The following PDGFC variants were observed in gnomAD, a reference collection of about 807,000 sequenced individuals.
The protein encoded by PDGFC is platelet-derived growth factor C.
Under a neutral mutation model 35.5 loss-of-function variants are expected in PDGFC, and 12 were observed. That is an observed-to-expected ratio of 0.34 (90% confidence interval 0.22 to 0.55). The LOEUF (loss-of-function observed/expected upper bound fraction) is 0.55, where lower values mean the gene tolerates loss of function less well. Among genes scored for constraint, PDGFC ranks in the 20% least tolerant of loss-of-function variants. PDGFC has a pLI of 0.91. For missense variants in PDGFC, 322 were observed against 412.4 expected, an observed-to-expected ratio of 0.78 and a Z score of 1.90; for synonymous variants, 159 against 148.8, an observed-to-expected ratio of 1.07 and a Z score of -0.50.
rs1732598716 is a variant in PDGFC, at chr4:156,971,665, C to G, written c.-762G>C. ...CAAAGTTCACCTTGTTCGGGCTCGT[C>G]CCCCGCTCCTCAAAGCCTGGGGCAA... On this transcript the variant is annotated 5_prime_UTR_variant, in exon 1 of 6. Coordinates refer to ENST00000502773, the MANE Select transcript of PDGFC (RefSeq NM_016205.3). Among the ~76,000 whole-genome samples the G allele has an allele frequency of 6.6e-6, 1 of 151,888 alleles. No homozygotes were observed. Among genetic ancestry groups the G allele is most frequent in the Non-Finnish European group, 1.5e-5 (1 of 67,950 alleles).
chr4:156,919,052 G>A (rs1355041557), intron 1 of PDGFC, among the ~76,000 whole-genome samples: 1 of 152,082 alleles, frequency 6.6e-6, no homozygotes, highest in East Asian at 1.9e-4. Context: ...CGATAAAAAT[G>A]TTAACAATGT....
chr4:156,956,541 A>G (rs907024338), intron 1 of PDGFC, among the ~76,000 whole-genome samples: 4 of 152,020 alleles, frequency 2.6e-5, no homozygotes, highest in African/African-American at 9.7e-5. Context: ...CAAATGATCG[A>G]TTGTGGGTGA....
At chr4:156,766,397 A>T (rs1360086276) in intron 5 of PDGFC, among the ~76,000 whole-genome samples, 2 of 152,156 alleles carry the variant, frequency 1.3e-5, no homozygotes, top group Non-Finnish European at 2.9e-5. Flanking sequence ...GATTGACACA[A>T]AAAGTAAGAA....
chr4:156,763,244 A>G (rs1380394909), intron 5 of PDGFC, 38 bp from the exon 6 acceptor site: 1 of 1,002,760 alleles, frequency 1.0e-6, no homozygotes, highest in Admixed American at 1.7e-5. Context: ...TTAAAAATCA[A>G]CGAATGTCTA....
chr4:156,844,208 C>T (rs1729271112), intron 2 of PDGFC, among the ~76,000 whole-genome samples: 2 of 152,150 alleles, frequency 1.3e-5, no homozygotes, highest in Admixed American at 6.5e-5. Context: ...TAGAAGCTAG[C>T]ATTTAGTTAG....
chr4:156,872,581 T>C (rs1288073813), intron 1 of PDGFC, among the ~76,000 whole-genome samples: 3 of 152,190 alleles, frequency 2.0e-5, no homozygotes, highest in Non-Finnish European at 4.4e-5. Flanking sequence ...TTATAGGCCT[T>C]CATGGTTCTT....
chr4:156,798,391 T>C (rs1031066435), intron 3 of PDGFC, among the ~76,000 whole-genome samples: 2 of 152,198 alleles, frequency 1.3e-5, no homozygotes, highest in African/African-American at 2.4e-5. Flanking sequence ...CATGAAATTA[T>C]GCCATTGCTC....
At chr4:156,869,623 A>G (rs1216049576) in intron 1 of PDGFC, among the ~76,000 whole-genome samples, 1 of 152,182 alleles carries the variant, frequency 6.6e-6, no homozygotes, top group East Asian at 1.9e-4. Context: ...TCATTTAATC[A>G]ATACTACATT....
At chr4:156,863,757 T>C (rs993743809) in intron 1 of PDGFC, among the ~76,000 whole-genome samples, 8 of 152,122 alleles carry the variant, frequency 5.3e-5, no homozygotes, top group Non-Finnish European at 8.8e-5. Context: ...TCTTAAAAAG[T>C]GGTAAATTTC....
At chr4:156,811,641 T>C (rs1435786110) in intron 2 of PDGFC, among the ~76,000 whole-genome samples, 1 of 152,144 alleles carries the variant, frequency 6.6e-6, no homozygotes, top group Non-Finnish European at 1.5e-5. Context: ...CTGTTAATCC[T>C]TGAAGAAAGG....
intron 1 of PDGFC, among the ~76,000 whole-genome samples, chr4:156,931,317 G>A (rs1052128015): frequency 3.3e-5 from 5 of 152,184 alleles, no homozygotes; most frequent in African/African-American, 1.2e-4. Flanking sequence ...AGATTGTTAA[G>A]AGTGCCTCCA....
At chr4:156,953,358 G>T (rs181195068) in intron 1 of PDGFC, among the ~76,000 whole-genome samples, 1 of 151,990 alleles carries the variant, frequency 6.6e-6, no homozygotes, top group East Asian at 1.9e-4. Context: ...TTGTTTTCTA[G>T]ACTAAAGTCA....
At chr4:156,798,406 T>C (rs1173869763) in intron 3 of PDGFC, among the ~76,000 whole-genome samples, 1 of 152,164 alleles carries the variant, frequency 6.6e-6, no homozygotes, top group African/African-American at 2.4e-5. Flanking sequence ...TTGCTCTTAA[T>C]GCCAAATAAA....
chr4:156,910,075 C>T (rs1731004506), intron 1 of PDGFC, among the ~76,000 whole-genome samples: 1 of 152,064 alleles, frequency 6.6e-6, no homozygotes, highest in South Asian at 2.1e-4. Context: ...CAGACAGAAC[C>T]CACCCTGCAG....
chr4:156,905,997 T>C (rs983814994), intron 1 of PDGFC, among the ~76,000 whole-genome samples: 11 of 152,174 alleles, frequency 7.2e-5, no homozygotes, highest in African/African-American at 2.7e-4. Flanking sequence ...TATTAAAAGA[T>C]GCTTCATCAG....
At chr4:156,771,871 T>A (rs1408714377) in intron 4 of PDGFC, among the ~76,000 whole-genome samples, 1 of 152,208 alleles carries the variant, frequency 6.6e-6, no homozygotes, top group Non-Finnish European at 1.5e-5. Context: ...GAGTGCATTG[T>A]AATTAAACAG....
intron 1 of PDGFC, among the ~76,000 whole-genome samples, chr4:156,911,915 G>C (rs1731048957): frequency 6.6e-6 from 1 of 152,132 alleles, no homozygotes; most frequent in Non-Finnish European, 1.5e-5. Flanking sequence ...ATGATGACTG[G>C]AGAGCTGGCC....
intron 3 of PDGFC, among the ~76,000 whole-genome samples, chr4:156,809,918 T>C (rs1228627449): frequency 2.6e-5 from 4 of 151,918 alleles, no homozygotes; most frequent in Non-Finnish European, 4.4e-5. Flanking sequence ...GACCTGCTAG[T>C]ATGTTTTTTA....
intron 1 of PDGFC, among the ~76,000 whole-genome samples, chr4:156,918,058 A>G (rs1284671183): frequency 6.6e-6 from 1 of 152,078 alleles, no homozygotes; most frequent in Non-Finnish European, 1.5e-5. Context: ...TTTTGCACTA[A>G]CCTAATACTT....
Sources: gnomAD v4.1 joint callset for allele counts (sites outside exome capture counted in the v4.1 genomes callset) on GRCh38, gnomAD v4.1.1 for gene constraint, MANE v1.5 for transcripts, NCBI Gene and HGNC (gene_info 2026-07-23, HGNC 2026-07-21) for gene names.